Variants in DSCAM observed in about 807,000 individuals in gnomAD.
DSCAM encodes DS cell adhesion molecule, also known as cell adhesion molecule DSCAM.
In DSCAM, 47 loss-of-function variants were observed where a neutral mutation model predicts 217.7. The ratio of observed to expected loss-of-function variants is 0.22; its 90% CI spans 0.17 to 0.28. DSCAM has a LOEUF of 0.28. DSCAM is among the 10% of genes least tolerant of loss of function. The probability of loss-of-function intolerance (pLI) is 1.00; values close to 1 mark genes in which losing one functional copy is unlikely to be tolerated. For missense variants in DSCAM, 2,080 were observed against 2,618.3 expected (o/e 0.79, Z 4.49); for synonymous variants, 1,056 against 1,015.3 (o/e 1.04, Z -0.76).
rs777119415 is a variant in DSCAM at position 40,339,295 on chromosome 21, T to C, written c.1331A>G (p.Asp444Gly). The C allele has an allele frequency of 6.2e-7, 1 of 1,614,184 alleles. No homozygotes were observed. Among genetic ancestry groups the C allele is most frequent in the South Asian group, 1.1e-5 (1 of 91,084 alleles). The stretch of plus-strand genomic sequence containing the variant: ...ACTGCCACCCTTGAGAATCGGGTCA[T>C]CGTCCAGGGTCCACGTGATCGTGGG... The part of the protein sequence containing the change: ...PLPTITWTLD[D>G]DPILKGGSHR... Residue 444 changes from aspartate to glycine, a missense_variant, in exon 7 of 33, where the codon GAT (aspartate) becomes GGT (glycine). Physicochemically the swap from Asp to Gly is moderately conservative, Grantham distance 94. Transcript: ENST00000400454.
intron 30 of DSCAM, among the ~76,000 whole-genome samples, chr21:40,049,497 A>G (rs2088894198): frequency 6.6e-6 from 1 of 151,958 alleles, no homozygotes; most frequent in African/African-American, 2.4e-5. Flanking sequence ...CCATGGCTTC[A>G]TTCTCTTTCT....
chr21:40,253,800 G>T (rs1043389913), intron 11 of DSCAM, among the ~76,000 whole-genome samples: 7 of 152,212 alleles, frequency 4.6e-5, no homozygotes, highest in Non-Finnish European at 1.0e-4. Flanking sequence ...GGACCCTTCC[G>T]GATCTTGCCA....
intron 1 of DSCAM, among the ~76,000 whole-genome samples, chr21:40,826,751 G>A (rs1344412807): frequency 6.6e-6 from 1 of 152,198 alleles, no homozygotes; most frequent in Non-Finnish European, 1.5e-5. Flanking sequence ...CAAAATGTGA[G>A]ATAGAAGTGG....
chr21:40,142,526 G>C, intron 18 of DSCAM, 32 bp downstream of exon 18: 1 of 1,610,696 alleles, frequency 6.2e-7, no homozygotes, highest in South Asian at 1.1e-5. Context: ...TTCTCTGGAG[G>C]CAAACCCAAA....
intron 10 of DSCAM, among the ~76,000 whole-genome samples, chr21:40,293,459 C>A (rs565919133): frequency 2.7e-4 from 41 of 152,296 alleles, no homozygotes; most frequent in African/African-American, 9.4e-4. Flanking sequence ...AGCCAACAAA[C>A]TAGTCCTGAG....
At chr21:40,285,705 C>G (rs1355770685) in intron 10 of DSCAM, among the ~76,000 whole-genome samples, 12 of 152,190 alleles carry the variant, frequency 7.9e-5, no homozygotes, top group Non-Finnish European at 1.6e-4. Context: ...ACACAACACA[C>G]AAGCAGAGCT....
chr21:40,425,243 C>T (rs557489913), intron 3 of DSCAM, among the ~76,000 whole-genome samples: 4 of 151,916 alleles, frequency 2.6e-5, no homozygotes, highest in Middle Eastern at 3.4e-3. Context: ...ATTCTCTTCC[C>T]GGCCAGGCAT....
intron 3 of DSCAM, among the ~76,000 whole-genome samples, chr21:40,503,117 G>A (rs991833746): frequency 2.6e-5 from 4 of 152,080 alleles, no homozygotes; most frequent in African/African-American, 9.7e-5. Context: ...CCAACGTTAC[G>A]CATTAAGAAT....
intron 3 of DSCAM, among the ~76,000 whole-genome samples, chr21:40,512,945 G>A (rs1186702732): frequency 6.6e-6 from 1 of 152,024 alleles, no homozygotes; most frequent in Admixed American, 6.6e-5. Context: ...TGTTGCCCAG[G>A]CTGGAGTGCA....
At chr21:40,073,697 G>A in intron 27 of DSCAM, among the ~76,000 whole-genome samples, 1 of 152,088 alleles carries the variant, frequency 6.6e-6, no homozygotes, top group East Asian at 1.9e-4. Flanking sequence ...CTGTATTCAT[G>A]ACATGTTTTG....
chr21:40,076,137 A>C (rs1449975022), intron 26 of DSCAM, among the ~76,000 whole-genome samples: 1 of 152,152 alleles, frequency 6.6e-6, no homozygotes, highest in Non-Finnish European at 1.5e-5. Context: ...GCATTTAGTA[A>C]GCAGAGCAGG....
At chr21:40,155,728 A>G (rs1023874482) in intron 16 of DSCAM, among the ~76,000 whole-genome samples, 1 of 152,108 alleles carries the variant, frequency 6.6e-6, no homozygotes, top group Non-Finnish European at 1.5e-5. Flanking sequence ...CCGCTGGTAA[A>G]GAGGTCAGTC....
intron 8 of DSCAM, among the ~76,000 whole-genome samples, chr21:40,326,571 G>A (rs1201412889): frequency 6.6e-6 from 1 of 152,164 alleles, no homozygotes; most frequent in Non-Finnish European, 1.5e-5. Context: ...ATTTAGTGTT[G>A]CTCTAGAGGG....
intron 1 of DSCAM, among the ~76,000 whole-genome samples, chr21:40,729,270 T>C (rs1430778890): frequency 6.6e-6 from 1 of 152,208 alleles, no homozygotes; most frequent in African/African-American, 2.4e-5. Flanking sequence ...AGCTGGGATT[T>C]GGTGCTAGGT....
chr21:40,435,856 T>C (rs2075578136), intron 3 of DSCAM, among the ~76,000 whole-genome samples: 1 of 152,220 alleles, frequency 6.6e-6, no homozygotes, highest in Non-Finnish European at 1.5e-5. Context: ...ATACTTTGAA[T>C]TTTGATCTTT....
chr21:40,790,180 CTTTTTTTTT>C (rs771986567), intron 1 of DSCAM, among the ~76,000 whole-genome samples: 2 of 125,400 alleles, frequency 1.6e-5, no homozygotes, highest in Non-Finnish European at 3.3e-5. Flanking sequence ...TTCTTTCTTT[CTTTTTTTTT>C]TTTTTTTTTT....
intron 3 of DSCAM, among the ~76,000 whole-genome samples, chr21:40,386,051 C>T (rs2075081558): frequency 1.3e-5 from 2 of 152,130 alleles, no homozygotes; most frequent in African/African-American, 4.8e-5. Context: ...ACCGCTGGAT[C>T]AAGATTAGTG....
At chr21:40,211,725 C>T (rs1332279395) in intron 11 of DSCAM, among the ~76,000 whole-genome samples, 1 of 152,160 alleles carries the variant, frequency 6.6e-6, no homozygotes. Flanking sequence ...CACCAAAATA[C>T]CTATGGACCA....
At chr21:40,387,329 T>C (rs73357167) in intron 3 of DSCAM, among the ~76,000 whole-genome samples, 307 of 151,750 alleles carry the variant, frequency 2.0e-3, no homozygotes, top group African/African-American at 7.0e-3. Flanking sequence ...AAGAGAAGTC[T>C]GCAGAAAAGT....
Sources: gnomAD v4.1 joint callset for allele counts (sites outside exome capture counted in the v4.1 genomes callset) on GRCh38, gnomAD v4.1.1 for gene constraint, MANE v1.5 for transcripts, NCBI Gene and HGNC (gene_info 2026-07-23, HGNC 2026-07-21) for gene names.